Variants in SEC24A observed in about 807,000 individuals in gnomAD.
SEC24A encodes protein transport protein Sec24A.
In SEC24A, 93 loss-of-function variants were observed where a neutral mutation model predicts 129.4. The ratio of observed to expected loss-of-function variants is 0.72; its 90% CI spans 0.61 to 0.85. SEC24A has a LOEUF of 0.85. Ranked by LOEUF, SEC24A falls within the 40% of genes least tolerant of loss-of-function variation. SEC24A has a pLI of 0.00. For synonymous variants in SEC24A, 460 were observed against 467.3 expected (o/e 0.98, Z 0.20); for missense variants, 1,264 against 1,307.4 (o/e 0.97, Z 0.51).
intron 1 of SEC24A, among the ~76,000 whole-genome samples, chr5:134,659,853 A>G (rs1307572988): frequency 6.6e-6 from 1 of 151,808 alleles, no homozygotes; most frequent in African/African-American, 2.4e-5. Flanking sequence ...AGGTCTTACT[A>G]TTATGTCCAG....
intron 14 of SEC24A, 56 bp from the exon 15 acceptor site, chr5:134,697,843 T>C (rs1751873771): frequency 6.7e-7 from 1 of 1,499,106 alleles, no homozygotes. Context: ...TTAGTTACTT[T>C]GGTGTAGTAG....
chr5:134,703,361 G>C (rs185748023), intron 15 of SEC24A, among the ~76,000 whole-genome samples: 4 of 151,332 alleles, frequency 2.6e-5, no homozygotes, highest in African/African-American at 9.7e-5. Context: ...TCTGCCTCCC[G>C]GGTTCAAGCA....
rs1752739745 is a variant in SEC24A at position 134,725,599 on chromosome 5, T to C, written c.*505T>C. 6.6e-6 allele frequency: 1 copy of C among 150,820 alleles called. No homozygotes were observed. The highest frequency in any genetic ancestry group is 1.5e-5 in the Non-Finnish European group (1 of 67,720). The allele number at this position is 150,820 out of a possible 1,614,324, so 9.3% of individuals were successfully genotyped here. On this transcript the variant is annotated 3_prime_UTR_variant, in exon 23 of 23. Transcript: ENST00000398844. ...TAGAATTCATTCCCCACACGTGTCTTTTTTTTTTCTTTGTTAAGGGAAAGG... is the reference window on the plus strand; with the variant it reads ...TAGAATTCATTCCCCACACGTGTCTCTTTTTTTTCTTTGTTAAGGGAAAGG...
intron 11 of SEC24A, among the ~76,000 whole-genome samples, chr5:134,689,685 C>T (rs1418234737): frequency 2.0e-5 from 3 of 150,908 alleles, no homozygotes; most frequent in Non-Finnish European, 2.9e-5. Context: ...GGCGTGAACT[C>T]GGGAGGAGGC....
At position 134,697,846 on chromosome 5, in the gene SEC24A, T is replaced by C. The variant is rs992612482; in HGVS notation, c.2108-53T>C. On this transcript the variant is annotated intron_variant, in intron 14 of 22. Coordinates refer to ENST00000398844, the MANE Select transcript of SEC24A (RefSeq NM_021982.3). ...ATTCCAATGTCTTTAGTTACTTTGGTGTAGTAGAAATAGTTAACGGCACAG... is the reference window on the plus strand; with the variant it reads ...ATTCCAATGTCTTTAGTTACTTTGGCGTAGTAGAAATAGTTAACGGCACAG... 6.6e-6 allele frequency: 10 copies of C among 1,516,152 alleles called. No homozygotes were observed. The African/African-American group carries it at 1.3e-4, about 19-fold the overall frequency. The allele number at this position is 1,516,152 out of a possible 1,614,324, so 93.9% of individuals were successfully genotyped here.
chr5:134,691,216 C>G (rs925776488), intron 11 of SEC24A, among the ~76,000 whole-genome samples: 9 of 148,144 alleles, frequency 6.1e-5, no homozygotes, highest in African/African-American at 1.7e-4. Context: ...GTCACCCAGG[C>G]TGGAGTGCAG....
At chr5:134,691,296 C>G (rs545207099) in intron 11 of SEC24A, among the ~76,000 whole-genome samples, 1 of 151,326 alleles carries the variant, frequency 6.6e-6, no homozygotes, top group East Asian at 1.9e-4. Flanking sequence ...CTCAGCCTCC[C>G]GAGTAGTTGG....
chr5:134,651,524 A>C (rs1750049141), intron 1 of SEC24A, among the ~76,000 whole-genome samples: 1 of 151,072 alleles, frequency 6.6e-6, no homozygotes. Context: ...TGAACTCCAA[A>C]CCTCATAATG....
In SEC24A at chr5:134,676,438, C is replaced by CTTTTTTT. The variant is rs34581398; in HGVS notation, c.1254+330_1254+336dup. ...CAGGCGTGAGCCTCTGCGCCCGGCT[C>CTTTTTTT]TTTTTTTTTTTTTTTTTTTTTTTCT... On this transcript the variant is annotated intron_variant, in intron 7 of 22. Coordinates refer to ENST00000398844, the MANE Select transcript of SEC24A (RefSeq NM_021982.3). Among the ~76,000 whole-genome samples the CTTTTTTT allele has an allele frequency of 8.3e-5, 7 of 84,202 alleles. 1 individual carries two copies. The highest frequency in any genetic ancestry group is 1.5e-4 in the Non-Finnish European group (7 of 45,474). 55.2% of individuals were successfully genotyped at this position (84,202 alleles called of 152,430 possible).
In SEC24A at chr5:134,661,282, T is replaced by G. The variant is rs571865779; in HGVS notation, c.261T>G (p.Asn87Lys). ...GGSQGSGQTL[N>K]RPPVASNPVT... The stretch of plus-strand genomic sequence containing the variant: ...CTCAGGGATCTGGGCAGACTCTTAA[T>G]AGACCACCTGTGGCCTCTAATCCAG... Residue 87 changes from asparagine to lysine, a missense_variant, in exon 2 of 23, where the codon AAT becomes AAG. Coordinates refer to ENST00000398844, the MANE Select transcript of SEC24A (RefSeq NM_021982.3). 4.3e-5 allele frequency: 69 copies of G among 1,614,204 alleles called. 1 individual carries two copies. The South Asian group carries it at 6.5e-4, about 15-fold the overall frequency.
intron 1 of SEC24A, among the ~76,000 whole-genome samples, chr5:134,659,805 A>G (rs1403105053): frequency 6.6e-6 from 1 of 151,948 alleles, no homozygotes; most frequent in East Asian, 1.9e-4. Flanking sequence ...GGCAGGCGCC[A>G]CCACACCCAA....
At chr5:134,720,692 C>CAGG (rs1334730219) in intron 20 of SEC24A, among the ~76,000 whole-genome samples, 1 of 152,014 alleles carries the variant, frequency 6.6e-6, no homozygotes, top group African/African-American at 2.4e-5. Flanking sequence ...CTCTTGAGGT[C>CAGG]AGGAGTTCAA....
chr5:134,665,412 G>T (rs1360309801), intron 2 of SEC24A, among the ~76,000 whole-genome samples: 2 of 149,330 alleles, frequency 1.3e-5, no homozygotes, highest in African/African-American at 2.5e-5. Flanking sequence ...CCGAGATTGC[G>T]CCATTGCACT....
intron 3 of SEC24A, among the ~76,000 whole-genome samples, chr5:134,668,902 T>TA (rs1240075939): frequency 6.7e-6 from 1 of 149,856 alleles, no homozygotes; most frequent in Non-Finnish European, 1.5e-5. Flanking sequence ...ATAAAAATAA[T>TA]AAAAAATAAA....
intron 17 of SEC24A, among the ~76,000 whole-genome samples, chr5:134,708,045 C>G (rs1313394999): frequency 6.6e-6 from 1 of 152,170 alleles, no homozygotes; most frequent in Non-Finnish European, 1.5e-5. Flanking sequence ...AGGATAATTG[C>G]TTGAACCTGG....
At chr5:134,684,915 G>C (rs1751396845) in intron 9 of SEC24A, among the ~76,000 whole-genome samples, 1 of 152,106 alleles carries the variant, frequency 6.6e-6, no homozygotes, top group Non-Finnish European at 1.5e-5. Context: ...TCCTATAGCA[G>C]AAGGTGTTTG....
At chr5:134,666,291 C>A (rs1308859136) in intron 2 of SEC24A, among the ~76,000 whole-genome samples, 2 of 152,122 alleles carry the variant, frequency 1.3e-5, no homozygotes, top group Non-Finnish European at 1.5e-5. Context: ...CACAGTGGCT[C>A]ACGCCTATAA....
chr5:134,652,874 A>G (rs1750111091), intron 1 of SEC24A, among the ~76,000 whole-genome samples: 1 of 151,768 alleles, frequency 6.6e-6, no homozygotes, highest in African/African-American at 2.4e-5. Context: ...GGCTCGCTGC[A>G]AGCTCCGCCT....
At position 134,693,807 on chromosome 5, in the gene SEC24A, G is replaced by T. The variant is rs374247657; in HGVS notation, c.1860G>T (p.Leu620=). 41 of 1,614,030 alleles carry T rather than the reference G, an allele frequency of 2.5e-5. No individual in the cohort carries two copies. In the South Asian group the frequency reaches 3.7e-4, roughly 15 times the overall value. The stretch of plus-strand genomic sequence containing the variant: ...CCCAGAGTGCCTTGGGTCCTGCACT[G>T]CAGGCTGCCTTTAAGCTGATGTCTC... ...LETQSALGPA[L]QAAFKLMSPT... is the part of the protein sequence containing the mutation. Residue 620 remains leucine, a synonymous_variant, in exon 13 of 23, where the codon CTG becomes CTT. Transcript: ENST00000398844.
Sources: allele counts gnomAD v4.1 joint callset (sites outside exome capture counted in the v4.1 genomes callset), GRCh38; gene constraint gnomAD v4.1.1; transcripts MANE v1.5; gene names NCBI Gene and HGNC (gene_info 2026-07-23, HGNC 2026-07-21).